SLC6A3: variants seen among roughly 807,000 people sequenced by gnomAD.
The protein encoded by SLC6A3 is solute carrier family 6 member 3, also known as sodium-dependent dopamine transporter.
A neutral mutation model predicts 70.4 loss-of-function variants in SLC6A3; 19 were observed. The ratio of observed to expected loss-of-function variants is 0.27; its 90% confidence interval spans 0.19 to 0.40. The LOEUF (loss-of-function observed/expected upper bound fraction) is 0.40, where lower values mean the gene tolerates loss of function less well. SLC6A3 is among the 10% of genes least tolerant of loss of function. The pLI is 1.00. For synonymous variants in SLC6A3, 368 were observed against 356.6 expected (o/e 1.03, Z -0.36); for missense variants, 613 against 838.5 (o/e 0.73, Z 3.32).
At chr5:1,417,270 A>T (rs995079402) in intron 6 of SLC6A3, among the ~76,000 whole-genome samples, 3 of 151,772 alleles carry the variant, frequency 2.0e-5, no homozygotes, top group Non-Finnish European at 4.4e-5. Flanking sequence ...ACATAAACTC[A>T]TCCTGAGGCT....
chr5:1,406,989 G>A lies in SLC6A3; in HGVS notation c.1499-701C>T, dbSNP rs3776513. ...CAGCATTCCCTTTTGTTTTAAGGCC[G>A]AATCATATTCCGTCATGAGTATACC... On this transcript the variant is annotated intron_variant, in intron 11 of 14. Transcript: ENST00000270349. The surrounding 1 kb of genome is among the most constrained non-coding windows in gnomAD (Gnocchi z 8.8). 2.0e-5 allele frequency among the ~76,000 whole-genome samples: 3 copies of A among 152,198 alleles called. No individual in the cohort carries two copies. The highest frequency in any genetic ancestry group is 1.9e-4 in the East Asian group (1 of 5,182).
At position 1,397,411 on chromosome 5, in the gene SLC6A3, A is replaced by G. The variant is rs940348570; in HGVS notation, c.1840-2653T>C. Among the ~76,000 whole-genome samples the G allele has an allele frequency of 7.8e-4, 119 of 152,316 alleles. 3 individuals carry two copies. Among genetic ancestry groups the G allele is most frequent in the African/African-American group, 2.8e-3 (117 of 41,544 alleles). On this transcript the variant is annotated intron_variant, in intron 14 of 14. Coordinates refer to ENST00000270349, the MANE Select transcript of SLC6A3 (RefSeq NM_001044.5). This position sits in a 1 kb window ranked among gnomAD's most constrained non-coding sequence, Gnocchi z 4.7. ...GCGCCACTGCACTCCAGCCTGGGCT[A>G]CAGAGCGAGACTCCGTCTCAAAACA...
intron 4 of SLC6A3, among the ~76,000 whole-genome samples, chr5:1,429,242 G>C (rs945190337): frequency 1.3e-5 from 2 of 152,242 alleles, no homozygotes; most frequent in Non-Finnish European, 2.9e-5. Flanking sequence ...GGGAACCTCA[G>C]TCCCACTGGT....
At chr5:1,403,197 T>C in intron 12 of SLC6A3, 108 bp from the exon 13 acceptor site, 1 of 1,325,900 alleles carries the variant, frequency 7.5e-7, no homozygotes, top group South Asian at 1.3e-5. Context: ...CCCCCACAGC[T>C]GTGCAGGTGC....
chr5:1,394,686 G>A lies in SLC6A3; in HGVS notation c.*49C>T, dbSNP rs762565411. 6.3e-7 allele frequency: 1 copy of A among 1,581,384 alleles called. No homozygotes were observed. Among genetic ancestry groups the A allele is most frequent in the East Asian group, 2.2e-5 (1 of 44,728 alleles). ...ACTTAGATTTCCTTGGTTTGTTCGT[G>A]TCTCTCCCATTGCAGGATGACTTCC... On this transcript the variant is annotated 3_prime_UTR_variant, in exon 15 of 15. Coordinates refer to ENST00000270349, the MANE Select transcript of SLC6A3 (RefSeq NM_001044.5). This position sits in a 1 kb window ranked among gnomAD's most constrained non-coding sequence, Gnocchi z 4.7.
rs1004191849 is a variant in SLC6A3, at chr5:1,411,624, T to C, written c.1157-269A>G. The stretch of plus-strand genomic sequence containing the variant: ...AAATTACCTGGGTCCTTTTGGGCTA[T>C]GGGGGTGCTTGGGGAAGGAAGGGGC... On this transcript the variant is annotated intron_variant, in intron 8 of 14. Coordinates refer to ENST00000270349, the MANE Select transcript of SLC6A3 (RefSeq NM_001044.5). This position sits in a 1 kb window ranked among gnomAD's most constrained non-coding sequence, Gnocchi z 6.5. Among the ~76,000 whole-genome samples the C allele has an allele frequency of 6.6e-6, 1 of 152,178 alleles. No individual in the cohort carries two copies. Among genetic ancestry groups the C allele is most frequent in the African/African-American group, 2.4e-5 (1 of 41,440 alleles).
intron 8 of SLC6A3, among the ~76,000 whole-genome samples, chr5:1,412,029 T>TACAC (rs60959697): frequency 1 from 152,335 of 152,358 alleles, 76,156 homozygotes; most frequent in Middle Eastern, 1. Flanking sequence ...TGCACAAACA[T>TACAC]ACACAAACAC....
Position 1,408,864 on chromosome 5 carries a change from A to C in SLC6A3, c.1498+162T>G, listed in dbSNP as rs11133770. ...GCTAAGCACCTCACTGATCCCATCA[A>C]AGGGACCAGTGCCAAGCCTCTCCCC... is the stretch of plus-strand genomic sequence containing the variant. On this transcript the variant is annotated intron_variant, in intron 11 of 14. Transcript: ENST00000270349. This position sits in a 1 kb window ranked among gnomAD's most constrained non-coding sequence, Gnocchi z 6.4. 0.18 allele frequency among the ~76,000 whole-genome samples: 28,029 copies of C among 152,206 alleles called. 2,674 individuals are homozygous for C. Among genetic ancestry groups the C allele is most frequent in the Middle Eastern group, 0.21 (62 of 294 alleles).
At chr5:1,434,362 T>A (rs1043741153) in intron 3 of SLC6A3, among the ~76,000 whole-genome samples, 4 of 152,228 alleles carry the variant, frequency 2.6e-5, no homozygotes, top group Admixed American at 2.0e-4. Flanking sequence ...GCCAGGGCCA[T>A]CCATGGCCAT....
chr5:1,432,724 GC>G, intron 3 of SLC6A3, 26 bp from the exon 4 acceptor site: 1 of 1,552,202 alleles, frequency 6.4e-7, no homozygotes, highest in Non-Finnish European at 8.9e-7. Context: ...AGGCCATGGA[GC>G]CCACGCAGGT....
chr5:1,425,463 A>G (rs1362818755), intron 4 of SLC6A3, among the ~76,000 whole-genome samples: 2 of 152,264 alleles, frequency 1.3e-5, no homozygotes, highest in Non-Finnish European at 1.5e-5. Context: ...CATGACAAGA[A>G]GCAAGAAATG....
chr5:1,427,813 A>G (rs773955140), intron 4 of SLC6A3, among the ~76,000 whole-genome samples: 28 of 152,236 alleles, frequency 1.8e-4, no homozygotes, highest in Non-Finnish European at 2.8e-4. Flanking sequence ...ATAAACATGT[A>G]TGCACTTCAT....
At chr5:1,430,011 G>A (rs1185778941) in intron 4 of SLC6A3, among the ~76,000 whole-genome samples, 1 of 152,142 alleles carries the variant, frequency 6.6e-6, no homozygotes, top group African/African-American at 2.4e-5. Context: ...TGTCACCCAC[G>A]AGAGTCCTGC....
At position 1,401,766 on chromosome 5, in the gene SLC6A3, C is replaced by T. The variant is rs549163780; in HGVS notation, c.1768-780G>A. Among the ~76,000 whole-genome samples, 3 of 152,368 alleles carry T rather than the reference C, an allele frequency of 2.0e-5. No individual in the cohort carries two copies. In the East Asian group the frequency reaches 5.8e-4, roughly 29 times the overall value. The stretch of plus-strand genomic sequence containing the variant: ...TCCTCCAGCTCTGCGCTGACCTGGG[C>T]CCCGCCTCCCACGTCCATCCAGCCT... On this transcript the variant is annotated intron_variant, in intron 13 of 14. Coordinates refer to ENST00000270349, the MANE Select transcript of SLC6A3 (RefSeq NM_001044.5). This position sits in a 1 kb window ranked among gnomAD's most constrained non-coding sequence, Gnocchi z 6.1.
chr5:1,402,919 C>T lies in SLC6A3; in HGVS notation c.1767+3G>A. On this transcript the variant is annotated splice_donor_region_variant and intron_variant, in intron 13 of 14. Transcript: ENST00000270349. This position sits in a 1 kb window ranked among gnomAD's most constrained non-coding sequence, Gnocchi z 8.5. ...GGTGAAGGCGCCCCGTCCAAATACC[C>T]ACCTCTCGAAAGGACCCAGGCAGGC... is the stretch of plus-strand genomic sequence containing the variant. The T allele has an allele frequency of 6.2e-7, 1 of 1,613,110 alleles. No homozygotes were observed. The highest frequency in any genetic ancestry group is 8.5e-7 in the Non-Finnish European group (1 of 1,179,988).
intron 10 of SLC6A3, 95 bp downstream of exon 10, chr5:1,409,626 G>T: frequency 6.9e-7 from 1 of 1,448,248 alleles, no homozygotes; most frequent in South Asian, 1.1e-5. Context: ...GAAGTGCTGC[G>T]GTTCTGTCTG....
At position 1,425,915 on chromosome 5, in the gene SLC6A3, G is replaced by A. The variant is rs552424426; in HGVS notation, c.654-3901C>T. Among the ~76,000 whole-genome samples, 46 of 152,234 alleles carry A rather than the reference G, an allele frequency of 3.0e-4. No individual in the cohort carries two copies. The South Asian group carries it at 7.7e-3, about 25-fold the overall frequency. ...ATGGCCAATAAACACATGAAGAGATGCCCAACAGTCACTAATCATTAAGGA... is the reference window on the plus strand; with the variant it reads ...ATGGCCAATAAACACATGAAGAGATACCCAACAGTCACTAATCATTAAGGA... On this transcript the variant is annotated intron_variant, in intron 4 of 14. Transcript: ENST00000270349.
chr5:1,437,659 G>T lies in SLC6A3; in HGVS notation c.418+3700C>A, dbSNP rs1285315982. On this transcript the variant is annotated intron_variant, in intron 3 of 14. Coordinates refer to ENST00000270349, the MANE Select transcript of SLC6A3 (RefSeq NM_001044.5). This position sits in a 1 kb window ranked among gnomAD's most constrained non-coding sequence, Gnocchi z 4.8. ...CTGCTGAGCAGCTGGGCCTCACCAT[G>T]AACTCCGCCCTCTGGCTTTCAAGGG... 6.6e-6 allele frequency among the ~76,000 whole-genome samples: 1 copy of T among 152,224 alleles called. No individual in the cohort carries two copies. The highest frequency in any genetic ancestry group is 1.5e-5 in the Non-Finnish European group (1 of 68,032).
rs1366467904 is a variant in SLC6A3, at chr5:1,421,789, AC to A, written c.792+86del. 1.8e-5 allele frequency: 26 copies of A among 1,449,748 alleles called. No individual in the cohort carries two copies. The highest frequency in any genetic ancestry group is 2.0e-5 in the Non-Finnish European group (21 of 1,036,136). 89.8% of individuals were successfully genotyped at this position (1,449,748 alleles called of 1,614,324 possible). ...GGTAGCACAAAACCCAACTGAGGCC[AC>A]ACGTGCACCTCCTGTCCAGCCACGG... On this transcript the variant is annotated intron_variant, in intron 5 of 14. Transcript: ENST00000270349. The surrounding 1 kb of genome is among the most constrained non-coding windows in gnomAD (Gnocchi z 7.2).
Sources: gnomAD v4.1 joint callset for allele counts (sites outside exome capture counted in the v4.1 genomes callset) on GRCh38, gnomAD v4.1.1 for gene constraint, Gnocchi (gnomAD v3.1) non-coding constraint, MANE v1.5 for transcripts, NCBI Gene and HGNC (gene_info 2026-07-23, HGNC 2026-07-21) for gene names.